SAMD12: variants seen among roughly 807,000 people sequenced by gnomAD.
The protein encoded by SAMD12 is sterile alpha motif domain containing 12.
Under a neutral mutation model 15.0 loss-of-function variants are expected in SAMD12, and 9 were observed. The observed-to-expected ratio is 0.60, with a 90% CI of 0.36 to 1.05. SAMD12 has a LOEUF of 1.05. SAMD12 is among the 50% of genes least tolerant of loss of function. The pLI is 0.01. For missense variants in SAMD12, 230 were observed against 234.2 expected (o/e 0.98, Z 0.12); for synonymous variants, 86 against 90.1 (o/e 0.96, Z 0.25).
intron 2 of SAMD12, among the ~76,000 whole-genome samples, chr8:118,497,316 A>T (rs757651867): frequency 6.6e-6 from 1 of 152,206 alleles, no homozygotes; most frequent in African/African-American, 2.4e-5. Flanking sequence ...CAAGGAATCA[A>T]CCTAGATGCC....
intron 4 of SAMD12, among the ~76,000 whole-genome samples, chr8:118,206,853 G>T (rs1819876130): frequency 6.6e-6 from 1 of 152,212 alleles, no homozygotes; most frequent in South Asian, 2.1e-4. Context: ...CTCTCTGTAA[G>T]CACTACTGCT....
chr8:118,255,285 A>G (rs1487171647), intron 4 of SAMD12, among the ~76,000 whole-genome samples: 14 of 152,238 alleles, frequency 9.2e-5, no homozygotes, highest in South Asian at 2.1e-4. Flanking sequence ...AAGAACAACA[A>G]CAACAACAAA....
chr8:118,326,258 G>A (rs961096153), intron 4 of SAMD12, among the ~76,000 whole-genome samples: 2 of 152,094 alleles, frequency 1.3e-5, no homozygotes, highest in Non-Finnish European at 2.9e-5. Flanking sequence ...TTCTCATAAG[G>A]AACTCAGGAA....
At chr8:118,344,082 A>G (rs1237284838) in intron 4 of SAMD12, among the ~76,000 whole-genome samples, 2 of 152,190 alleles carry the variant, frequency 1.3e-5, no homozygotes, top group Non-Finnish European at 2.9e-5. Flanking sequence ...CAAGCGAGGG[A>G]CAGCAAACTT....
At chr8:118,416,754 C>A (rs1821712651) in intron 3 of SAMD12, among the ~76,000 whole-genome samples, 1 of 152,212 alleles carries the variant, frequency 6.6e-6, no homozygotes. Flanking sequence ...TTTCATCCAA[C>A]TCTCTTCTTC....
chr8:118,167,546 T>A, the SAMD12 span, among the ~76,000 whole-genome samples: 1 of 151,994 alleles, frequency 6.6e-6, no homozygotes, highest in African/African-American at 2.4e-5. Flanking sequence ...AAATGGACAA[T>A]CACTTAGTTA....
chr8:118,274,707 T>C (rs1168214970), intron 4 of SAMD12, among the ~76,000 whole-genome samples: 2 of 152,194 alleles, frequency 1.3e-5, no homozygotes, highest in African/African-American at 4.8e-5. Context: ...TGCATATAAA[T>C]GGAATGTTAC....
intron 2 of SAMD12, among the ~76,000 whole-genome samples, chr8:118,536,177 T>G (rs1825835537): frequency 6.6e-6 from 1 of 152,136 alleles, no homozygotes; most frequent in South Asian, 2.1e-4. Context: ...TAATTTTCTA[T>G]TAGGATATAG....
intron 1 of SAMD12, among the ~76,000 whole-genome samples, chr8:118,602,917 A>T (rs1490881407): frequency 6.6e-6 from 1 of 152,186 alleles, no homozygotes; most frequent in African/African-American, 2.4e-5. Flanking sequence ...TGAAGAGAGG[A>T]GTACACTAAG....
chr8:118,446,275 AT>A (rs1481841866), intron 2 of SAMD12, among the ~76,000 whole-genome samples: 1 of 151,000 alleles, frequency 6.6e-6, no homozygotes, highest in Non-Finnish European at 1.5e-5. Context: ...CACACTGAAT[AT>A]TATTAATGGA....
At chr8:118,591,652 A>T (rs184832923) in intron 1 of SAMD12, among the ~76,000 whole-genome samples, 2 of 152,210 alleles carry the variant, frequency 1.3e-5, no homozygotes, top group Admixed American at 6.6e-5. Flanking sequence ...AAAACAAACT[A>T]AAGTATAATT....
intron 3 of SAMD12, among the ~76,000 whole-genome samples, chr8:118,389,490 G>A (rs899350712): frequency 1.3e-5 from 2 of 152,308 alleles, no homozygotes; most frequent in South Asian, 2.1e-4. Context: ...GATCACTTGA[G>A]GTCAGGAGTT....
Position 118,510,339 on chromosome 8 carries a change from A to G in SAMD12, c.192+70376T>C, listed in dbSNP as rs1023911384. On this transcript the variant is annotated intron_variant, in intron 2 of 3. Coordinates refer to ENST00000314727, the MANE Select transcript of SAMD12 (RefSeq NM_207506.3). ...GGAACCTTCACTGACAAGCATCTCA[A>G]GTGATTCTGATACAGATCACACTCT... is the stretch of plus-strand genomic sequence containing the variant. 2.0e-5 allele frequency among the ~76,000 whole-genome samples: 3 copies of G among 152,104 alleles called. 1 individual carries two copies. Among genetic ancestry groups the G allele is most frequent in the Admixed American group, 2.0e-4 (3 of 15,268 alleles).
chr8:118,137,530 C>T, the SAMD12 span, among the ~76,000 whole-genome samples: 1 of 152,120 alleles, frequency 6.6e-6, no homozygotes, highest in African/African-American at 2.4e-5. Context: ...CCCTATTCTC[C>T]TGCCTCACTT....
chr8:118,469,024 T>C (rs1823682372), intron 2 of SAMD12, among the ~76,000 whole-genome samples: 2 of 152,180 alleles, frequency 1.3e-5, no homozygotes, highest in African/African-American at 4.8e-5. Context: ...GTCCGCACTA[T>C]TCTTTCTGCC....
chr8:118,366,881 T>TAAAATAAAATAATAA (rs1372250393), intron 4 of SAMD12, among the ~76,000 whole-genome samples: 7 of 52,348 alleles, frequency 1.3e-4, no homozygotes, highest in South Asian at 1.4e-3. Context: ...TAAAATAAAA[T>TAAAATAAAATAATAA]AATAAAATAA....
chr8:118,299,418 C>G (rs1428947885), intron 4 of SAMD12, among the ~76,000 whole-genome samples: 1 of 152,104 alleles, frequency 6.6e-6, no homozygotes. Context: ...CAACATATGA[C>G]TGTGATGAAA....
At chr8:118,423,913 T>C (rs1822132111) in intron 3 of SAMD12, among the ~76,000 whole-genome samples, 2 of 152,322 alleles carry the variant, frequency 1.3e-5, no homozygotes, top group South Asian at 2.1e-4. Flanking sequence ...TTTTAAGATA[T>C]ATGGTTTTCC....
intron 4 of SAMD12, among the ~76,000 whole-genome samples, chr8:118,352,285 A>G (rs1234006101): frequency 6.6e-6 from 1 of 152,232 alleles, no homozygotes; most frequent in East Asian, 1.9e-4. Flanking sequence ...TCATCAAATC[A>G]CTTCAGATAA....
Sources: gnomAD v4.1 joint callset for allele counts (sites outside exome capture counted in the v4.1 genomes callset) on GRCh38, gnomAD v4.1.1 for gene constraint, MANE v1.5 for transcripts, NCBI Gene and HGNC (gene_info 2026-07-23, HGNC 2026-07-21) for gene names.